The following RAB6A variants were observed in gnomAD, a reference collection of about 807,000 sequenced individuals.
The protein encoded by RAB6A is RAB6A, member RAS oncogene family.
A neutral mutation model predicts 32.3 loss-of-function variants in RAB6A; 8 were observed. The observed-to-expected ratio is 0.25, with a 90% CI of 0.15 to 0.45. The LOEUF is 0.45. RAB6A is among the 20% of genes least tolerant of loss of function. The pLI is 1.00. For synonymous variants in RAB6A, 73 were observed against 82.1 expected (o/e 0.89, Z 0.60); for missense variants, 104 against 249.4 (o/e 0.42, Z 3.93).
chr11:73,703,351 T>TA (rs1308291307), intron 6 of RAB6A, among the ~76,000 whole-genome samples: 1 of 152,106 alleles, frequency 6.6e-6, no homozygotes, highest in Non-Finnish European at 1.5e-5. Flanking sequence ...AATGCAGCTC[T>TA]AAGAATCTGC....
chr11:73,707,329 G>C, intron 6 of RAB6A, 91 bp downstream of exon 6: 1 of 857,890 alleles, frequency 1.2e-6, no homozygotes. Context: ...GCCTGCTCTT[G>C]CCAGGTGGAA....
At chr11:73,706,839 G>A (rs1345201100) in intron 6 of RAB6A, among the ~76,000 whole-genome samples, 4 of 152,102 alleles carry the variant, frequency 2.6e-5, no homozygotes, top group Non-Finnish European at 4.4e-5. Flanking sequence ...AAAATTTACC[G>A]GCCGGGCATG....
chr11:73,739,363 G>C (rs1389616459), intron 1 of RAB6A, among the ~76,000 whole-genome samples: 1 of 133,944 alleles, frequency 7.5e-6, no homozygotes, highest in Non-Finnish European at 1.6e-5. Context: ...TAAGAGATGG[G>C]GTGTCACTAT....
intron 6 of RAB6A, among the ~76,000 whole-genome samples, chr11:73,684,773 A>G (rs1297394105): frequency 6.6e-6 from 1 of 152,228 alleles, no homozygotes; most frequent in African/African-American, 2.4e-5. Flanking sequence ...AGTTTCCTGA[A>G]CACATGTTCA....
chr11:73,725,830 A>G lies in RAB6A; in HGVS notation c.130-4931T>C, dbSNP rs547087336. On this transcript the variant is annotated intron_variant, in intron 2 of 7. Coordinates refer to ENST00000336083, the MANE Select transcript of RAB6A (RefSeq NM_198896.2). ...TAAGCTAAAAAAGGAGAAAGGTAAGACAGAAGACACAGGACCAGATGTTTA... is the reference window on the plus strand; with the variant it reads ...TAAGCTAAAAAAGGAGAAAGGTAAGGCAGAAGACACAGGACCAGATGTTTA... Among the ~76,000 whole-genome samples, 37 of 152,242 alleles carry G rather than the reference A, an allele frequency of 2.4e-4. No individual in the cohort carries two copies. The South Asian group carries it at 7.7e-3, about 32-fold the overall frequency.
intron 6 of RAB6A, among the ~76,000 whole-genome samples, chr11:73,705,767 T>TGAGAGA (rs3046616): frequency 0.12 from 16,172 of 134,634 alleles, 1,135 homozygotes; most frequent in African/African-American, 0.15. Context: ...ATAATTCCGA[T>TGAGAGA]GAGAGAGAGA....
At chr11:73,729,095 CTTTTGA>C (rs1329565284) in intron 2 of RAB6A, among the ~76,000 whole-genome samples, 1 of 151,870 alleles carries the variant, frequency 6.6e-6, no homozygotes, top group Admixed American at 6.6e-5. Context: ...CATTATAACC[CTTTTGA>C]TTTTATTTTA....
chr11:73,748,670 A>C (rs1946629790), intron 1 of RAB6A, among the ~76,000 whole-genome samples: 1 of 152,192 alleles, frequency 6.6e-6, no homozygotes. Flanking sequence ...CTATACATTT[A>C]AATTTTTCCA....
At chr11:73,760,180 G>T in intron 1 of RAB6A, 1 of 1,125,200 alleles carries the variant, frequency 8.9e-7, no homozygotes, top group Non-Finnish European at 1.2e-6. Context: ...TCACAGAGCT[G>T]AGGAACTGGG....
chr11:73,747,679 CAT>C (rs1458623773), intron 1 of RAB6A, among the ~76,000 whole-genome samples: 1 of 152,146 alleles, frequency 6.6e-6, no homozygotes, highest in Non-Finnish European at 1.5e-5. Context: ...ATTTAGCTGT[CAT>C]GTCTCCTTGG....
intron 1 of RAB6A, among the ~76,000 whole-genome samples, chr11:73,742,994 G>C (rs972032822): frequency 2.0e-5 from 3 of 151,784 alleles, no homozygotes; most frequent in Non-Finnish European, 4.4e-5. Context: ...ACATACAAGA[G>C]AGTGAACAAG....
intron 6 of RAB6A, among the ~76,000 whole-genome samples, chr11:73,683,422 AT>A: frequency 6.6e-6 from 1 of 151,328 alleles, no homozygotes; most frequent in Non-Finnish European, 1.5e-5. Flanking sequence ...CACCTGGCTA[AT>A]TTTTGTATTT....
chr11:73,680,578 G>A (rs373748975), intron 6 of RAB6A, among the ~76,000 whole-genome samples: 135 of 152,226 alleles, frequency 8.9e-4, no homozygotes, highest in African/African-American at 3.1e-3. Flanking sequence ...CTTGAACCTG[G>A]GAGGCGGAGG....
chr11:73,689,561 C>T (rs1945512319), intron 6 of RAB6A, among the ~76,000 whole-genome samples: 1 of 152,158 alleles, frequency 6.6e-6, no homozygotes, highest in South Asian at 2.1e-4. Flanking sequence ...TTTATCTTAG[C>T]CTAGACACTC....
intron 1 of RAB6A, among the ~76,000 whole-genome samples, chr11:73,736,744 ACTGTGCCACTG>A (rs1391295752): frequency 4.1e-5 from 6 of 146,934 alleles, no homozygotes; most frequent in Non-Finnish European, 9.0e-5. Context: ...GTGAGCCAAG[ACTGTGCCACTG>A]CACTCCAGCC....
At chr11:73,708,071 C>CAA (rs1425268795) in intron 5 of RAB6A, among the ~76,000 whole-genome samples, 3 of 152,166 alleles carry the variant, frequency 2.0e-5, no homozygotes. Flanking sequence ...TATTAGAATG[C>CAA]AAGTTGCTTT....
chr11:73,712,476 G>C (rs770107860), intron 5 of RAB6A, among the ~76,000 whole-genome samples: 1 of 151,810 alleles, frequency 6.6e-6, no homozygotes, highest in Admixed American at 6.6e-5. Flanking sequence ...TCAGCCTCCT[G>C]AGGAGCTGGG....
intron 7 of RAB6A, among the ~76,000 whole-genome samples, chr11:73,678,463 A>G (rs1945300754): frequency 6.6e-6 from 1 of 151,872 alleles, no homozygotes; most frequent in Non-Finnish European, 1.5e-5. Context: ...CTAAAAATAT[A>G]AAAATTAGCT....
chr11:73,748,569 T>C (rs180931605), intron 1 of RAB6A, among the ~76,000 whole-genome samples: 2 of 152,250 alleles, frequency 1.3e-5, no homozygotes, highest in African/African-American at 4.8e-5. Context: ...GGGAATGCTA[T>C]ATAGATGAAA....
Sources: allele counts gnomAD v4.1 joint callset (sites outside exome capture counted in the v4.1 genomes callset), GRCh38; gene constraint gnomAD v4.1.1; transcripts MANE v1.5; gene names NCBI Gene and HGNC (gene_info 2026-07-23, HGNC 2026-07-21).